Variants in LEPR observed in about 807,000 individuals in gnomAD.
LEPR encodes the protein OB receptor.
In LEPR, 56 loss-of-function variants were observed where a neutral mutation model predicts 114.7. That is an observed-to-expected ratio of 0.49 (90% CI 0.39 to 0.61). The LOEUF (loss-of-function observed/expected upper bound fraction) is 0.61, where lower values mean the gene tolerates loss of function less well. Ranked by LOEUF, LEPR falls within the 20% of genes least tolerant of loss-of-function variation. LEPR has a pLI of 0.00. For missense variants in LEPR, 1,202 were observed against 1,352.9 expected (o/e 0.89, Z 1.75); for synonymous variants, 443 against 461.4 (o/e 0.96, Z 0.51).
In LEPR at chr1:65,554,581, C is replaced by T. The variant is rs201451250; in HGVS notation, c.-20-10965C>T. Among the ~76,000 whole-genome samples, 120 of 152,144 alleles carry T rather than the reference C, an allele frequency of 7.9e-4. 1 individual carries two copies. The highest frequency in any genetic ancestry group is 2.9e-3 in the African/African-American group (119 of 41,508). ...CCTTCCCCCACCAAGCTTGAGTGTC[C>T]CAGGTCGATTTCTGCTGTGCTGGCA... On this transcript the variant is annotated intron_variant, in intron 2 of 19. Transcript: ENST00000349533.
chr1:65,474,962 G>A (rs1380856748), intron 2 of LEPR, among the ~76,000 whole-genome samples: 1 of 126,516 alleles, frequency 7.9e-6, no homozygotes, highest in African/African-American at 3.1e-5. Context: ...AGCCGAGATC[G>A]CACCATTGTA....
intron 2 of LEPR, among the ~76,000 whole-genome samples, chr1:65,460,118 A>G (rs74522047): frequency 0.022 from 3,410 of 151,806 alleles, 73 homozygotes; most frequent in South Asian, 0.09. Flanking sequence ...GAGCCAGACC[A>G]TAATCTATAT....
rs906083498 is a variant in LEPR, at chr1:65,601,490, G to A, written c.1093G>A (p.Glu365Lys). Reference sequence around the variant, plus strand: ...GGAAAACAAGATTGTTCCCTCAAAAGAGATTGTTTGGTGGATGAATTTAGC... The same window carrying A: ...GGAAAACAAGATTGTTCCCTCAAAAAAGATTGTTTGGTGGATGAATTTAGC... The part of the protein sequence containing the change: ...KKENKIVPSK[E>K]IVWWMNLAEK... Residue 365 changes from glutamate to lysine, a missense_variant, in exon 9 of 20, where the codon GAG becomes AAG. Coordinates refer to ENST00000349533, the MANE Select transcript of LEPR (RefSeq NM_002303.6). 6.2e-7 allele frequency: 1 copy of A among 1,613,730 alleles called. No individual in the cohort carries two copies. Among genetic ancestry groups the A allele is most frequent in the Non-Finnish European group, 8.5e-7 (1 of 1,179,722 alleles).
In LEPR at chr1:65,481,184, G is replaced by A. The variant is rs538364780; in HGVS notation, c.-21+55806G>A. Among the ~76,000 whole-genome samples the A allele has an allele frequency of 5.3e-5, 8 of 152,264 alleles. No homozygotes were observed. The East Asian group carries it at 1.5e-3, about 29-fold the overall frequency. On this transcript the variant is annotated intron_variant, in intron 2 of 19. Transcript: ENST00000349533. ...ATGTATCTCCTTATAACAACAGCAG[G>A]CAGGTTAGATTTGGGCCCACCCTAA...
At chr1:65,461,003 T>C (rs1490708673) in intron 2 of LEPR, among the ~76,000 whole-genome samples, 1 of 147,182 alleles carries the variant, frequency 6.8e-6, no homozygotes, top group African/African-American at 2.5e-5. Flanking sequence ...TTTGATGGAG[T>C]CTAACTCTGT....
chr1:65,447,313 C>G (rs1646725781), intron 2 of LEPR, among the ~76,000 whole-genome samples: 1 of 151,978 alleles, frequency 6.6e-6, no homozygotes, highest in East Asian at 1.9e-4. Flanking sequence ...TCCTTTCCTT[C>G]CTTCCTTGTA....
chr1:65,432,600 C>T (rs1011293484), intron 2 of LEPR: 2 of 982,414 alleles, frequency 2.0e-6, no homozygotes, highest in African/African-American at 1.8e-5. Flanking sequence ...TGCTTTCATG[C>T]TGAGGACAAG....
chr1:65,621,354 T>A lies in LEPR; in HGVS notation c.2493T>A (p.Asp831Glu). The A allele has an allele frequency of 6.2e-7, 1 of 1,610,080 alleles. No homozygotes were observed. The highest frequency in any genetic ancestry group is 8.5e-7 in the Non-Finnish European group (1 of 1,176,696). The change falls in exon 18 of 20, where the codon GAT becomes GAA. Residue 831 changes from aspartate to glutamate, a missense_variant and splice_region_variant. Transcript: ENST00000349533. The part of the protein sequence containing the change: ...KPKIINSFTQ[D>E]DIEKHQSDAG... ...GTGTAAATTGTATTTCTTTTTCAGA[T>A]GATATTGAAAAACACCAGAGTGATG...
chr1:65,543,561 G>A (rs1352250993), intron 2 of LEPR, among the ~76,000 whole-genome samples: 3 of 151,952 alleles, frequency 2.0e-5, no homozygotes, highest in Admixed American at 1.3e-4. Flanking sequence ...TGCCCTGAAT[G>A]GTGTTGCCTA....
In LEPR at chr1:65,639,657, A is replaced by G. The variant is rs75728897; in HGVS notation, c.*2642A>G. 1 of 152,190 alleles carries G rather than the reference A, an allele frequency of 6.6e-6. No individual in the cohort carries two copies. The highest frequency in any genetic ancestry group is 1.5e-5 in the Non-Finnish European group (1 of 68,038). The allele number at this position is 152,190 out of a possible 1,614,324, so 9.4% of individuals were successfully genotyped here. A position where few individuals can be genotyped will look rare whatever the true frequency, so the allele number is the denominator to read the frequency against. On this transcript the variant is annotated 3_prime_UTR_variant, in exon 20 of 20. Coordinates refer to ENST00000349533, the MANE Select transcript of LEPR (RefSeq NM_002303.6). ...GGTCTTTTAAACTTATAAATCTGGA[A>G]TTTTTAATATTTCATTTTAAGGCCT...
At chr1:65,617,740 G>C (rs2100997396) in intron 15 of LEPR, among the ~76,000 whole-genome samples, 1 of 152,160 alleles carries the variant, frequency 6.6e-6, no homozygotes, top group Non-Finnish European at 1.5e-5. Flanking sequence ...GCTTTTTAAG[G>C]TTTTAGGGAG....
chr1:65,442,779 A>G (rs777559789), intron 2 of LEPR, among the ~76,000 whole-genome samples: 2 of 152,222 alleles, frequency 1.3e-5, no homozygotes, highest in Non-Finnish European at 2.9e-5. Context: ...CAACCTGGGA[A>G]TACAAAGATC....
intron 19 of LEPR, among the ~76,000 whole-genome samples, chr1:65,635,951 G>A (rs1321617172): frequency 6.6e-6 from 1 of 152,132 alleles, no homozygotes; most frequent in African/African-American, 2.4e-5. Flanking sequence ...ACTTGTTCAT[G>A]GTTGTAGAAT....
chr1:65,499,811 A>G (rs759065669), intron 2 of LEPR, among the ~76,000 whole-genome samples: 1 of 152,118 alleles, frequency 6.6e-6, no homozygotes, highest in Non-Finnish European at 1.5e-5. Flanking sequence ...AATTTTACAC[A>G]CAACCTTCCT....
chr1:65,421,454 A>T, intron 1 of LEPR: 1 of 1,536,072 alleles, frequency 6.5e-7, no homozygotes, highest in Admixed American at 2.0e-5. Flanking sequence ...GGCTTCCTGT[A>T]TTTTGGTAGG....
At chr1:65,567,176 C>T (rs983556600) in intron 3 of LEPR, among the ~76,000 whole-genome samples, 1 of 152,130 alleles carries the variant, frequency 6.6e-6, no homozygotes, top group African/African-American at 2.4e-5. Flanking sequence ...AAAGAAATAT[C>T]ATTTGCAAAG....
intron 2 of LEPR, among the ~76,000 whole-genome samples, chr1:65,525,339 G>C (rs1240980587): frequency 6.6e-6 from 1 of 152,178 alleles, no homozygotes; most frequent in South Asian, 2.1e-4. Context: ...CGCGGGTCCG[G>C]GGTGGGGGGG....
upstream of LEPR, chr1:65,420,654 G>T (rs1646225971): frequency 2.6e-6 from 4 of 1,539,442 alleles, no homozygotes; most frequent in Admixed American, 7.9e-5. Context: ...GGCGACTCCC[G>T]GTCTGGCTTG....
chr1:65,429,506 C>T (rs538641620), intron 2 of LEPR, among the ~76,000 whole-genome samples: 20 of 152,184 alleles, frequency 1.3e-4, no homozygotes, highest in Admixed American at 1.1e-3. Context: ...AGATCTTTAC[C>T]GAACTAGCTT....
Sources: allele counts gnomAD v4.1 joint callset (sites outside exome capture counted in the v4.1 genomes callset), GRCh38; gene constraint gnomAD v4.1.1; transcripts MANE v1.5; gene names NCBI Gene and HGNC (gene_info 2026-07-23, HGNC 2026-07-21).